The following CFAP61 variants were observed in gnomAD, a reference collection of about 807,000 sequenced individuals.
The protein encoded by CFAP61 is cilia and flagella associated protein 61.
A neutral mutation model predicts 135.6 loss-of-function variants in CFAP61; 107 were observed. The observed-to-expected ratio is 0.79, with a 90% CI of 0.67 to 0.93. The LOEUF is 0.93. Among genes scored for constraint, CFAP61 ranks in the 40% least tolerant of loss-of-function variants. The pLI is 0.00. For synonymous variants in CFAP61, 575 were observed against 578.5 expected (o/e 0.99, Z 0.09); for missense variants, 1,507 against 1,556.2 (o/e 0.97, Z 0.53).
chr20:20,294,219 C>G (rs1490782158), intron 24 of CFAP61, among the ~76,000 whole-genome samples: 1 of 152,248 alleles, frequency 6.6e-6, no homozygotes, highest in African/African-American at 2.4e-5. Context: ...TACGGCATCA[C>G]TTAGTGGAGC....
chr20:20,075,620 A>G lies in CFAP61; in HGVS notation c.566+5A>G. ...GCTGCACGTTCGCAAAGCCAGGTAC[A>G]GTTGGAGTCATGCCTTGTGTGACCT... On this transcript the variant is annotated splice_donor_5th_base_variant and intron_variant, in intron 6 of 26. Coordinates refer to ENST00000245957, the MANE Select transcript of CFAP61 (RefSeq NM_015585.4). 2.5e-6 allele frequency: 4 copies of G among 1,613,800 alleles called. No homozygotes were observed. Among genetic ancestry groups the G allele is most frequent in the Non-Finnish European group, 2.5e-6 (3 of 1,179,758 alleles).
intron 9 of CFAP61, among the ~76,000 whole-genome samples, chr20:20,149,266 A>G (rs1259877273): frequency 7.9e-5 from 12 of 152,232 alleles, no homozygotes. Flanking sequence ...ACAAGAAAAT[A>G]AAACTGCAGA....
Position 20,098,762 on chromosome 20 carries a change from T to C in CFAP61, c.807T>C (p.His269=). Residue 269 remains histidine, a synonymous_variant, in exon 8 of 27, where the codon CAT becomes CAC. Coordinates refer to ENST00000245957, the MANE Select transcript of CFAP61 (RefSeq NM_015585.4). ...CTTTCCACGGACTCTGTTTCCCACA[T>C]CCTGATGACGTTCTGGAATCACCAC... ...LGPFHGLCFP[H]PDDVLESPQD... is the part of the protein sequence containing the mutation. 1 of 1,614,098 alleles carries C rather than the reference T, an allele frequency of 6.2e-7. No homozygotes were observed. The highest frequency in any genetic ancestry group is 8.5e-7 in the Non-Finnish European group (1 of 1,180,014).
chr20:20,289,261 C>T (rs1167334001), intron 23 of CFAP61, among the ~76,000 whole-genome samples: 1 of 152,178 alleles, frequency 6.6e-6, no homozygotes, highest in Non-Finnish European at 1.5e-5. Flanking sequence ...ATGGTTTGCC[C>T]TGACATCTTA....
At chr20:20,147,868 A>C (rs1199406597) in intron 9 of CFAP61, among the ~76,000 whole-genome samples, 1 of 152,088 alleles carries the variant, frequency 6.6e-6, no homozygotes, top group Non-Finnish European at 1.5e-5. Flanking sequence ...ATCTTCTAGA[A>C]TTTTTATGGT....
intron 25 of CFAP61, among the ~76,000 whole-genome samples, chr20:20,312,593 A>G: frequency 6.6e-6 from 1 of 152,218 alleles, no homozygotes; most frequent in Admixed American, 6.5e-5. Flanking sequence ...AAATCTGAGA[A>G]GCTCAGTGAA....
At chr20:20,179,535 G>A (rs6046704) in intron 13 of CFAP61, among the ~76,000 whole-genome samples, 137,525 of 152,224 alleles carry the variant, frequency 0.9, 62,947 homozygotes, top group Middle Eastern at 0.99. Context: ...AAACTGTTTT[G>A]ATATTCATAT....
At chr20:20,199,717 C>G (rs1182272911) in intron 16 of CFAP61, 51 bp from the exon 17 acceptor site, 1 of 1,608,034 alleles carries the variant, frequency 6.2e-7, no homozygotes, top group Non-Finnish European at 8.5e-7. Context: ...GACATCTGTG[C>G]TGAGCCTCTC....
At chr20:20,116,752 C>G (rs183873023) in intron 8 of CFAP61, among the ~76,000 whole-genome samples, 1 of 152,106 alleles carries the variant, frequency 6.6e-6, no homozygotes, top group Non-Finnish European at 1.5e-5. Context: ...TTCTCTCCCC[C>G]ACCCCTCTAC....
intron 14 of CFAP61, among the ~76,000 whole-genome samples, chr20:20,189,084 G>A (rs1015792864): frequency 1.3e-5 from 2 of 152,186 alleles, no homozygotes; most frequent in East Asian, 1.9e-4. Flanking sequence ...TACTGTTGAG[G>A]TCTTTCAGGG....
At chr20:20,166,264 C>T in intron 11 of CFAP61, 133 bp from the exon 12 acceptor site, 2 of 680,998 alleles carry the variant, frequency 2.9e-6, no homozygotes, top group Admixed American at 4.8e-5. Context: ...CATTAGTGTT[C>T]ACCTAGACAC....
intron 25 of CFAP61, among the ~76,000 whole-genome samples, chr20:20,323,792 AT>A (rs1425137206): frequency 6.6e-6 from 1 of 152,278 alleles, no homozygotes; most frequent in East Asian, 1.9e-4. Flanking sequence ...CCAATTGTTA[AT>A]TTTTTTGGTG....
chr20:20,118,253 G>C lies in CFAP61; in HGVS notation c.859+19439G>C, dbSNP rs374369402. The stretch of plus-strand genomic sequence containing the variant: ...TATGGTCTTCATTATTTTGAGGTAT[G>C]TTTCTTTCTTTCTTTCTTTCTTTCT... On this transcript the variant is annotated intron_variant, in intron 8 of 26. Coordinates refer to ENST00000245957, the MANE Select transcript of CFAP61 (RefSeq NM_015585.4). Among the ~76,000 whole-genome samples the C allele has an allele frequency of 1.7e-3, 240 of 138,608 alleles. 2 individuals carry two copies. The highest frequency in any genetic ancestry group is 0.012 in the South Asian group (48 of 4,146). 90.9% of individuals were successfully genotyped at this position (138,608 alleles called of 152,430 possible).
chr20:20,243,434 C>CTT (rs60497833), intron 18 of CFAP61, among the ~76,000 whole-genome samples: 28 of 146,948 alleles, frequency 1.9e-4, no homozygotes, highest in Non-Finnish European at 2.4e-4. Flanking sequence ...TCCCCCAAGT[C>CTT]TTTTTTTTTT....
At chr20:20,266,148 TG>T (rs1389652725) in intron 21 of CFAP61, among the ~76,000 whole-genome samples, 2 of 152,238 alleles carry the variant, frequency 1.3e-5, no homozygotes, top group Admixed American at 1.3e-4. Context: ...TACATTTAGC[TG>T]GGAGGGCATT....
At chr20:20,357,961 G>A (rs1303741038) in intron 26 of CFAP61, among the ~76,000 whole-genome samples, 8 of 107,822 alleles carry the variant, frequency 7.4e-5, no homozygotes, top group Admixed American at 9.5e-5. Context: ...CTGAGGGGAG[G>A]TGGTCATAGT....
intron 13 of CFAP61, among the ~76,000 whole-genome samples, chr20:20,187,156 C>A (rs1276404124): frequency 6.6e-6 from 1 of 152,188 alleles, no homozygotes; most frequent in Non-Finnish European, 1.5e-5. Flanking sequence ...ACCAGAGACT[C>A]CATGTGTCAT....
chr20:20,359,880 G>T lies in CFAP61; in HGVS notation c.3514-330G>T, dbSNP rs1346846271. ...TCATAGAGACAGAGGTGGTTTCCAG[G>T]GCCTGGAGGATGGGAGGGTACGGAG... is the stretch of plus-strand genomic sequence containing the variant. On this transcript the variant is annotated intron_variant, in intron 26 of 26. Coordinates refer to ENST00000245957, the MANE Select transcript of CFAP61 (RefSeq NM_015585.4). This position sits in a 1 kb window ranked among gnomAD's most constrained non-coding sequence, Gnocchi z 4.0. Among the ~76,000 whole-genome samples, 1 of 152,126 alleles carries T rather than the reference G, an allele frequency of 6.6e-6. No homozygotes were observed. The highest frequency in any genetic ancestry group is 1.5e-5 in the Non-Finnish European group (1 of 68,016).
intron 17 of CFAP61, among the ~76,000 whole-genome samples, chr20:20,223,425 C>T (rs978934750): frequency 3.3e-5 from 5 of 152,108 alleles, no homozygotes; most frequent in Non-Finnish European, 2.9e-5. Flanking sequence ...AATGTAACCT[C>T]CAAAAGAAAT....
Sources: gnomAD v4.1 joint callset for allele counts (sites outside exome capture counted in the v4.1 genomes callset) on GRCh38, gnomAD v4.1.1 for gene constraint, Gnocchi (gnomAD v3.1) non-coding constraint, MANE v1.5 for transcripts, NCBI Gene and HGNC (gene_info 2026-07-23, HGNC 2026-07-21) for gene names.